The following ARHGEF3 variants were observed in gnomAD, a reference collection of about 807,000 sequenced individuals.
ARHGEF3 encodes Rho guanine nucleotide exchange factor 3.
Under a neutral mutation model 63.2 loss-of-function variants are expected in ARHGEF3, and 28 were observed. The observed-to-expected ratio is 0.44, with a 90% CI of 0.33 to 0.61. The LOEUF (loss-of-function observed/expected upper bound fraction) is 0.61, where lower values mean the gene tolerates loss of function less well. ARHGEF3 is among the 20% of genes least tolerant of loss of function. ARHGEF3 has a pLI of 0.03. For synonymous variants in ARHGEF3, 266 were observed against 254.2 expected, an observed-to-expected ratio of 1.05 and a Z score of -0.44; for missense variants, 533 against 659.3, an observed-to-expected ratio of 0.81 and a Z score of 2.10.
intron 3 of ARHGEF3, chr3:56,916,440 GAAGGAACTCCTC>G: frequency 7.0e-7 from 1 of 1,437,172 alleles, no homozygotes. Flanking sequence ...TAGTTTCCCT[GAAGGAACTCCTC>G]CCCGCCACTT....
At chr3:56,834,637 G>A (rs1246280372) in intron 4 of ARHGEF3, among the ~76,000 whole-genome samples, 4 of 151,444 alleles carry the variant, frequency 2.6e-5, no homozygotes, top group African/African-American at 9.7e-5. Flanking sequence ...GCACATGCCT[G>A]TAATCCCAGC....
chr3:56,986,124 G>A (rs1364600680), intron 2 of ARHGEF3, among the ~76,000 whole-genome samples: 1 of 152,202 alleles, frequency 6.6e-6, no homozygotes, highest in Non-Finnish European at 1.5e-5. Flanking sequence ...TGAATCACCA[G>A]CAGGGGGAAA....
chr3:56,989,806 C>T (rs910708962), intron 2 of ARHGEF3, among the ~76,000 whole-genome samples: 2 of 152,194 alleles, frequency 1.3e-5, no homozygotes, highest in Admixed American at 6.5e-5. Flanking sequence ...CGCACGGGAG[C>T]CAACCTGGCT....
At chr3:56,874,327 A>G (rs921458354) in intron 4 of ARHGEF3, among the ~76,000 whole-genome samples, 2 of 152,214 alleles carry the variant, frequency 1.3e-5, no homozygotes, top group African/African-American at 2.4e-5. Flanking sequence ...CTCCTCGGTG[A>G]TAAGAGCATT....
chr3:57,007,185 A>T, intron 2 of ARHGEF3: 1 of 1,280,414 alleles, frequency 7.8e-7, no homozygotes, highest in Non-Finnish European at 1.0e-6. Flanking sequence ...GACTCACATG[A>T]ATTCTCAGTT....
At chr3:56,792,766 G>C (rs1363775244) in intron 1 of ARHGEF3, among the ~76,000 whole-genome samples, 1 of 152,010 alleles carries the variant, frequency 6.6e-6, no homozygotes, top group East Asian at 1.9e-4. Context: ...CCAAAGATCT[G>C]AACAATTTTT....
chr3:57,029,559 C>T lies in ARHGEF3; in HGVS notation c.62+5529G>A, dbSNP rs144837682. 1.4e-3 allele frequency among the ~76,000 whole-genome samples: 214 copies of T among 152,292 alleles called. 1 individual carries two copies. The highest frequency in any genetic ancestry group is 0.01 in the Middle Eastern group (3 of 294). On this transcript the variant is annotated intron_variant, in intron 2 of 12. Coordinates refer to the ARHGEF3 transcript ENST00000338458. ...AGTAGCAGATGTAGGGAGCTGCCCT[C>T]CCTTAAGAGACCTCTGCATGCACAG...
At chr3:56,977,033 C>T (rs1701150411) in intron 2 of ARHGEF3, among the ~76,000 whole-genome samples, 1 of 152,014 alleles carries the variant, frequency 6.6e-6, no homozygotes, top group African/African-American at 2.4e-5. Flanking sequence ...AGGATTAACT[C>T]ATTTAATCCT....
At chr3:56,762,249 TG>T (rs2035462685) in intron 2 of ARHGEF3, among the ~76,000 whole-genome samples, 1 of 152,134 alleles carries the variant, frequency 6.6e-6, no homozygotes, top group South Asian at 2.1e-4. Flanking sequence ...TAGATCTCCC[TG>T]GGTGTGGGGA....
chr3:56,885,188 C>T (rs1273669063), intron 3 of ARHGEF3, among the ~76,000 whole-genome samples: 1 of 152,114 alleles, frequency 6.6e-6, no homozygotes, highest in Non-Finnish European at 1.5e-5. Context: ...TAGAGTAACC[C>T]CATGCCCTTC....
intron 2 of ARHGEF3, among the ~76,000 whole-genome samples, chr3:56,999,507 T>C (rs1281995115): frequency 6.6e-6 from 1 of 152,216 alleles, no homozygotes; most frequent in African/African-American, 2.4e-5. Flanking sequence ...AATAAAACTT[T>C]ATTTTTTAAT....
intron 4 of ARHGEF3, among the ~76,000 whole-genome samples, chr3:56,872,140 T>C (rs989103828): frequency 6.6e-6 from 1 of 152,222 alleles, no homozygotes; most frequent in Admixed American, 6.5e-5. Flanking sequence ...TGGTTTGCTA[T>C]AACCTTGTGA....
At chr3:57,065,058 T>C (rs1705446909) in intron 1 of ARHGEF3, among the ~76,000 whole-genome samples, 1 of 152,166 alleles carries the variant, frequency 6.6e-6, no homozygotes, top group African/African-American at 2.4e-5. Context: ...TAGGGAGAAG[T>C]AGGGTGGAGA....
chr3:56,999,094 C>T (rs1448875503), intron 2 of ARHGEF3, among the ~76,000 whole-genome samples: 2 of 152,118 alleles, frequency 1.3e-5, no homozygotes, highest in African/African-American at 2.4e-5. Flanking sequence ...CTGTCGCTCA[C>T]GCTGGAGTGC....
chr3:56,746,990 T>C (rs986031827), intron 6 of ARHGEF3, among the ~76,000 whole-genome samples: 1 of 152,128 alleles, frequency 6.6e-6, no homozygotes, highest in Non-Finnish European at 1.5e-5. Flanking sequence ...CTCAACCTTA[T>C]ATTTGTGTAA....
At position 57,047,819 on chromosome 3, in the gene ARHGEF3, C is replaced by T. The variant is rs532742661; in HGVS notation, c.-27-12643G>A. On this transcript the variant is annotated intron_variant, in intron 1 of 12. Transcript: ENST00000338458. ...ACCCAGGGCAGCTGGGTTAAAGGAG[C>T]AGGAGATAGAATCTGAAGCCTTCCG... 6.4e-4 allele frequency among the ~76,000 whole-genome samples: 98 copies of T among 152,238 alleles called. 3 individuals carry two copies. In the South Asian group the frequency reaches 0.019, roughly 29 times the overall value.
chr3:56,740,293 A>G (rs1334142048), intron 7 of ARHGEF3, among the ~76,000 whole-genome samples: 1 of 152,132 alleles, frequency 6.6e-6, no homozygotes, highest in Non-Finnish European at 1.5e-5. Context: ...CCTTATTTTA[A>G]AAAATATAGG....
At chr3:57,049,527 A>G (rs1341728105) in intron 1 of ARHGEF3, among the ~76,000 whole-genome samples, 1 of 152,150 alleles carries the variant, frequency 6.6e-6, no homozygotes, top group African/African-American at 2.4e-5. Context: ...AGGGTTGCGT[A>G]TGTGTCTGGC....
At chr3:57,045,701 A>G (rs2107281275) in intron 1 of ARHGEF3, among the ~76,000 whole-genome samples, 1 of 152,332 alleles carries the variant, frequency 6.6e-6, no homozygotes, top group African/African-American at 2.4e-5. Context: ...TGACCTTAAG[A>G]ACCAGGGCAG....
Sources: allele counts gnomAD v4.1 joint callset (sites outside exome capture counted in the v4.1 genomes callset), GRCh38; gene constraint gnomAD v4.1.1; transcripts MANE v1.5; gene names NCBI Gene and HGNC (gene_info 2026-07-23, HGNC 2026-07-21).